The following TPTE variants were observed in gnomAD, a reference collection of about 807,000 sequenced individuals.
The protein encoded by TPTE is transmembrane phosphatase with tensin homology, also known as putative tyrosine-protein phosphatase TPTE.
In TPTE, 59 loss-of-function variants were observed where a neutral mutation model predicts 84.1. The ratio of observed to expected loss-of-function variants is 0.70; its 90% CI spans 0.57 to 0.87. TPTE has a LOEUF of 0.87. Ranked by LOEUF, TPTE falls within the 40% of genes least tolerant of loss-of-function variation. The pLI is 0.00. For synonymous variants in TPTE, 130 were observed against 223.5 expected (o/e 0.58, Z 3.73); for missense variants, 382 against 659.6 (o/e 0.58, Z 4.61).
intron 10 of TPTE, among the ~76,000 whole-genome samples, chr21:10,564,445 G>A (rs945491470): frequency 6.6e-6 from 1 of 152,312 alleles, no homozygotes; most frequent in Non-Finnish European, 1.5e-5. Context: ...GGGAGGCAGA[G>A]GTTGCAGTGA....
chr21:10,538,852 A>G, intron 4 of TPTE, 118 bp downstream of exon 4: 1 of 1,605,680 alleles, frequency 6.2e-7, no homozygotes, highest in South Asian at 1.1e-5. Context: ...CCATCCGTAC[A>G]CACTTCTCTC....
At chr21:10,550,822 A>T (rs2145644518) in intron 7 of TPTE, among the ~76,000 whole-genome samples, 1 of 152,430 alleles carries the variant, frequency 6.6e-6, no homozygotes, top group African/African-American at 2.4e-5. Flanking sequence ...CAGCACATGA[A>T]ACATTATCTA....
chr21:10,577,366 A>G, intron 14 of TPTE, 94 bp from the exon 15 acceptor site: 2 of 1,608,404 alleles, frequency 1.2e-6, no homozygotes. Flanking sequence ...TGAGAGACAA[A>G]TTAATAAAAG....
chr21:10,581,571 CA>C (rs2075271782), intron 17 of TPTE, among the ~76,000 whole-genome samples: 1 of 152,310 alleles, frequency 6.6e-6, no homozygotes, highest in Non-Finnish European at 1.5e-5. Flanking sequence ...TTGCTGCTTG[CA>C]GGTTACCAGT....
chr21:10,523,586 T>C (rs1290807895), intron 1 of TPTE, among the ~76,000 whole-genome samples: 1 of 152,308 alleles, frequency 6.6e-6, no homozygotes, highest in Non-Finnish European at 1.5e-5. Context: ...TTACTGAGAA[T>C]GATTTCCAAT....
chr21:10,535,329 A>G (rs989923556), intron 3 of TPTE, among the ~76,000 whole-genome samples: 1 of 152,310 alleles, frequency 6.6e-6, no homozygotes, highest in Non-Finnish European at 1.5e-5. Context: ...TATACACATA[A>G]CATACACGCA....
chr21:10,590,659 A>T, intron 18 of TPTE, 136 bp downstream of exon 18: 1 of 1,453,156 alleles, frequency 6.9e-7, no homozygotes, highest in Non-Finnish European at 9.4e-7. Flanking sequence ...CAGTCTTTAG[A>T]AAGTCTGTTT....
intron 21 of TPTE, among the ~76,000 whole-genome samples, chr21:10,598,919 A>T (rs1240441988): frequency 6.6e-6 from 1 of 152,308 alleles, no homozygotes; most frequent in East Asian, 1.9e-4. Context: ...CCCAGGCCTG[A>T]CCCTTGGCTT....
At chr21:10,536,125 A>G (rs1474984478) in intron 3 of TPTE, among the ~76,000 whole-genome samples, 2 of 152,306 alleles carry the variant, frequency 1.3e-5, no homozygotes, top group Non-Finnish European at 2.9e-5. Flanking sequence ...TAAAAATACA[A>G]AAATTAGCCA....
At chr21:10,541,789 A>G (rs903690778) in intron 5 of TPTE, among the ~76,000 whole-genome samples, 4 of 152,308 alleles carry the variant, frequency 2.6e-5, no homozygotes, top group Non-Finnish European at 5.9e-5. Context: ...GGAAGAGAGA[A>G]TCCTGTTTGG....
intron 21 of TPTE, among the ~76,000 whole-genome samples, chr21:10,599,129 T>G (rs2075643559): frequency 6.6e-6 from 1 of 152,312 alleles, no homozygotes; most frequent in Non-Finnish European, 1.5e-5. Flanking sequence ...GAGCTTTCTC[T>G]CTGCTTCTGC....
At chr21:10,541,405 G>A (rs1262048036) in intron 5 of TPTE, among the ~76,000 whole-genome samples, 1 of 152,302 alleles carries the variant, frequency 6.6e-6, no homozygotes, top group East Asian at 1.9e-4. Context: ...CTGGGGAAGT[G>A]GAGTTTGCAG....
chr21:10,533,153 AC>A (rs1337192109), intron 3 of TPTE, among the ~76,000 whole-genome samples: 1 of 152,426 alleles, frequency 6.6e-6, no homozygotes, highest in African/African-American at 2.4e-5. Flanking sequence ...ATTCTTTTCT[AC>A]TATTTTCTGG....
chr21:10,563,112 A>C (rs1159840015), intron 10 of TPTE, among the ~76,000 whole-genome samples: 4 of 152,304 alleles, frequency 2.6e-5, no homozygotes, highest in African/African-American at 9.6e-5. Flanking sequence ...GACATATTGA[A>C]AGTGCTGAAG....
intron 2 of TPTE, among the ~76,000 whole-genome samples, 153 bp downstream of exon 2, chr21:10,524,841 T>A (rs551743021): frequency 5.5e-3 from 832 of 152,048 alleles, no homozygotes; most frequent in African/African-American, 0.019. Context: ...CTACTGCAGA[T>A]GAGCTGGTAT....
chr21:10,585,241 C>CAAAAAAAAAAAAAAAGAAAA (rs2075342115), intron 17 of TPTE, among the ~76,000 whole-genome samples: 1 of 144,194 alleles, frequency 6.9e-6, no homozygotes, highest in African/African-American at 2.5e-5. Flanking sequence ...AAAAATGAAA[C>CAAAAAAAAAAAAAAAGAAAA]AAAAAAAAAA....
intron 3 of TPTE, among the ~76,000 whole-genome samples, chr21:10,535,000 G>A (rs1349702256): frequency 6.6e-6 from 1 of 152,310 alleles, no homozygotes; most frequent in Non-Finnish European, 1.5e-5. Flanking sequence ...CTAGGGACTA[G>A]AAATCTGAAA....
intron 9 of TPTE, among the ~76,000 whole-genome samples, chr21:10,560,587 A>AT (rs1343045179): frequency 2.0e-5 from 3 of 152,306 alleles, no homozygotes; most frequent in African/African-American, 7.2e-5. Context: ...GTCTTTTAAG[A>AT]GCTTATGTTA....
intron 1 of TPTE, among the ~76,000 whole-genome samples, chr21:10,523,114 CACTT>C (rs1349782978): frequency 1.3e-5 from 2 of 152,308 alleles, no homozygotes; most frequent in Non-Finnish European, 2.9e-5. Flanking sequence ...GGAAGCTGAA[CACTT>C]GATGTAAACT....
Sources: allele counts gnomAD v4.1 joint callset (sites outside exome capture counted in the v4.1 genomes callset), GRCh38; gene constraint gnomAD v4.1.1; transcripts MANE v1.5; gene names NCBI Gene and HGNC (gene_info 2026-07-23, HGNC 2026-07-21).